Variants in NUP98 observed in about 807,000 individuals in gnomAD.
NUP98 encodes the protein nucleoporin 98 and 96 precursor.
NUP98 carries 26 observed loss-of-function variants against 191.9 expected under a neutral mutation model. The ratio of observed to expected loss-of-function variants is 0.14; its 90% CI spans 0.10 to 0.19. The LOEUF (loss-of-function observed/expected upper bound fraction) is 0.19. NUP98 is among the 10% of genes least tolerant of loss of function. The pLI, the probability that NUP98 is intolerant of heterozygous loss-of-function variation, is 1.00. For missense variants in NUP98, 1,941 were observed against 2,178.8 expected, an observed-to-expected ratio of 0.89 and a Z score of 2.17; for synonymous variants, 808 against 778.4, an observed-to-expected ratio of 1.04 and a Z score of -0.63.
chr11:3,729,862 C>CT (rs2079776191), intron 14 of NUP98, among the ~76,000 whole-genome samples: 1 of 151,990 alleles, frequency 6.6e-6, no homozygotes, highest in South Asian at 2.1e-4. Context: ...ATCCTAAGCC[C>CT]TGGTGAAGCT....
chr11:3,717,291 C>G (rs1256412568), intron 18 of NUP98, among the ~76,000 whole-genome samples: 1 of 152,184 alleles, frequency 6.6e-6, no homozygotes, highest in East Asian at 1.9e-4. Context: ...AGCCACTGCA[C>G]CTAGCTGAAC....
At position 3,681,287 on chromosome 11, in the gene NUP98, C is replaced by T. The variant is rs112570164; in HGVS notation, c.4919-1579G>A. On this transcript the variant is annotated intron_variant, in intron 30 of 32. Coordinates refer to ENST00000324932, the MANE Select transcript of NUP98 (RefSeq NM_016320.5). ...AACTCCTGGGGCTCAAGCAATCTGC[C>T]GCTTTGGCCTCCCAAAGTACTGGGA... 5.5e-3 allele frequency among the ~76,000 whole-genome samples: 840 copies of T among 152,266 alleles called. 6 individuals carry two copies. The highest frequency in any genetic ancestry group is 0.017 in the African/African-American group (707 of 41,556).
intron 10 of NUP98, among the ~76,000 whole-genome samples, chr11:3,756,029 T>TA (rs1296287320): frequency 6.6e-6 from 1 of 152,210 alleles, no homozygotes; most frequent in African/African-American, 2.4e-5. Context: ...ATATTTGACT[T>TA]AGACATTCAT....
intron 14 of NUP98, among the ~76,000 whole-genome samples, chr11:3,731,083 T>G (rs112117214): frequency 0.019 from 2,874 of 152,154 alleles, 89 homozygotes; most frequent in African/African-American, 0.066. Context: ...TGGCCAACAT[T>G]GTGAAACCCC....
chr11:3,784,052 A>G (rs11821624), intron 1 of NUP98, among the ~76,000 whole-genome samples: 2 of 152,212 alleles, frequency 1.3e-5, no homozygotes, highest in Admixed American at 6.5e-5. Flanking sequence ...AAAACAGTCA[A>G]TCATGCTCAT....
Position 3,723,219 on chromosome 11 carries a change from T to C in NUP98, c.2084A>G (p.Asp695Gly), listed in dbSNP as rs1254027442. The change falls in exon 16 of 33, where the codon GAT (aspartate) becomes GGT (glycine). Residue 695 changes from aspartate (D) to glycine (G), a missense_variant. Transcript: ENST00000324932. ...EGSSEETSFH[D>G]ESLQDDREEI... ...TTCTCGGTCATCCTGAAGTGACTCA[T>C]CATGAAAAGACGTTTCTTCACTGCT... is the stretch of plus-strand genomic sequence containing the variant. 6.2e-7 allele frequency: 1 copy of C among 1,614,034 alleles called. No individual in the cohort carries two copies. Among genetic ancestry groups the C allele is most frequent in the Non-Finnish European group, 8.5e-7 (1 of 1,180,040 alleles).
intron 22 of NUP98, among the ~76,000 whole-genome samples, chr11:3,703,775 G>GT (rs2078779592): frequency 6.6e-6 from 1 of 152,012 alleles, no homozygotes; most frequent in Non-Finnish European, 1.5e-5. Flanking sequence ...AACACACTAG[G>GT]TATCTTACAA....
intron 1 of NUP98, among the ~76,000 whole-genome samples, chr11:3,795,832 C>T (rs1240018670): frequency 6.6e-6 from 1 of 152,196 alleles, no homozygotes; most frequent in African/African-American, 2.4e-5. Flanking sequence ...CCTGTTCACG[C>T]TTTACTATTT....
chr11:3,702,023 G>A (rs1369529667), intron 23 of NUP98, among the ~76,000 whole-genome samples: 1 of 151,760 alleles, frequency 6.6e-6, no homozygotes, highest in East Asian at 1.9e-4. Context: ...GGGCAAGGTG[G>A]CTCATGACTG....
At chr11:3,768,013 G>T (rs1444145460) in intron 8 of NUP98, among the ~76,000 whole-genome samples, 1 of 152,088 alleles carries the variant, frequency 6.6e-6, no homozygotes, top group Non-Finnish European at 1.5e-5. Flanking sequence ...CCACTAAGTA[G>T]TTCCTACTTA....
chr11:3,787,940 C>G (rs1335734944), intron 1 of NUP98, among the ~76,000 whole-genome samples: 1 of 152,102 alleles, frequency 6.6e-6, no homozygotes, highest in Non-Finnish European at 1.5e-5. Context: ...TGCAGTGAGC[C>G]GAGATCGGGC....
chr11:3,688,272 G>A (rs1207782353), intron 28 of NUP98, among the ~76,000 whole-genome samples: 1 of 152,066 alleles, frequency 6.6e-6, no homozygotes, highest in Non-Finnish European at 1.5e-5. Flanking sequence ...CGGGCGTGGT[G>A]GTGGGTGCCT....
At chr11:3,721,858 T>C (rs999859050) in intron 16 of NUP98, among the ~76,000 whole-genome samples, 4 of 152,330 alleles carry the variant, frequency 2.6e-5, no homozygotes, top group African/African-American at 9.6e-5. Flanking sequence ...GTCCTACTTG[T>C]AGTCAGATAT....
At position 3,723,255 on chromosome 11, in the gene NUP98, C is replaced by T; in HGVS notation, c.2048G>A (p.Gly683Glu). ...ALNMRAALRN[G>E]LEGSSEETSF... ...CGTTTCTTCACTGCTTCCTTCCAGC[C>T]CATTTCGCAAAGCAGCACGCATGTT... The change falls in exon 16 of 33, where the codon GGG becomes GAG. Residue 683 changes from glycine (G) to glutamate (E), a missense_variant. Gly to Glu is a moderately conservative substitution (Grantham distance 98). Coordinates refer to ENST00000324932, the MANE Select transcript of NUP98 (RefSeq NM_016320.5). 6.2e-7 allele frequency: 1 copy of T among 1,614,112 alleles called. No individual in the cohort carries two copies. Among genetic ancestry groups the T allele is most frequent in the Non-Finnish European group, 8.5e-7 (1 of 1,180,014 alleles).
Position 3,686,192 on chromosome 11 carries a change from T to A in NUP98, c.4457A>T (p.His1486Leu), listed in dbSNP as rs1251180906. The change falls in exon 29 of 33, where the codon CAT becomes CTT. Residue 1486 changes from histidine (H) to leucine (L), a missense_variant and splice_region_variant. His to Leu is a moderately conservative substitution (Grantham distance 99). Transcript: ENST00000324932. Reference sequence around the variant, plus strand: ...CTCCAGCAGCTGGTTGAGATCATAATGTCTGCAAAGAACGTGTTGAGAGTC... The same window carrying A: ...CTCCAGCAGCTGGTTGAGATCATAAAGTCTGCAAAGAACGTGTTGAGAGTC... ...FHLLKLYSDR[H>L]YDLNQLLEPR... 1 of 1,614,224 alleles carries A rather than the reference T, an allele frequency of 6.2e-7. No homozygotes were observed. The highest frequency in any genetic ancestry group is 8.5e-7 in the Non-Finnish European group (1 of 1,180,012).
intron 10 of NUP98, among the ~76,000 whole-genome samples, chr11:3,753,911 C>G (rs1367553458): frequency 6.6e-6 from 1 of 150,950 alleles, no homozygotes; most frequent in African/African-American, 2.4e-5. Flanking sequence ...TGCACTCCAG[C>G]CTGGGCAACA....
Position 3,691,414 on chromosome 11 carries a change from C to G in NUP98, c.4387G>C (p.Glu1463Gln). 6.2e-7 allele frequency: 1 copy of G among 1,614,170 alleles called. No homozygotes were observed. The highest frequency in any genetic ancestry group is 1.7e-5 in the Admixed American group (1 of 60,012). ...YLEGSGCVIA[E>Q]EQNSQTPLRD... ...AGTGGTGTCTGTGAGTTTTGCTCCT[C>G]CGCTATCACACAGCCAGAACCCTCC... Residue 1463 changes from glutamate to glutamine, a missense_variant, in exon 28 of 33, where the codon GAG becomes CAG. Glu to Gln is a conservative substitution (Grantham distance 29). Transcript: ENST00000324932.
chr11:3,688,402 T>A (rs890539047), intron 28 of NUP98, among the ~76,000 whole-genome samples: 2 of 151,426 alleles, frequency 1.3e-5, no homozygotes, highest in Non-Finnish European at 2.9e-5. Flanking sequence ...CGAGACTCCA[T>A]CTCAAAAAAT....
At chr11:3,774,844 A>C (rs550133439) in intron 5 of NUP98, among the ~76,000 whole-genome samples, 2 of 152,328 alleles carry the variant, frequency 1.3e-5, no homozygotes, top group Middle Eastern at 3.4e-3. Context: ...GGCATCACAC[A>C]GTATTCTTCA....
Sources: gnomAD v4.1 joint callset for allele counts (sites outside exome capture counted in the v4.1 genomes callset) on GRCh38, gnomAD v4.1.1 for gene constraint, MANE v1.5 for transcripts, NCBI Gene and HGNC (gene_info 2026-07-23, HGNC 2026-07-21) for gene names.